Variants in SNRPC observed in about 807,000 individuals in gnomAD.
The protein encoded by SNRPC is small nuclear ribonucleoprotein polypeptide C.
In SNRPC, 5 loss-of-function variants were observed where a neutral mutation model predicts 20.0. The ratio of observed to expected loss-of-function variants is 0.25; its 90% CI spans 0.13 to 0.53. The LOEUF (loss-of-function observed/expected upper bound fraction) is 0.53, where lower values mean the gene tolerates loss of function less well. Ranked by LOEUF, SNRPC falls within the 20% of genes least tolerant of loss-of-function variation. The pLI is 0.96. For missense variants in SNRPC, 112 were observed against 224.1 expected (o/e 0.50, Z 3.19); for synonymous variants, 61 against 58.7 (o/e 1.04, Z -0.18).
At chr6:34,763,838 T>C (rs1158168187) in intron 3 of SNRPC, among the ~76,000 whole-genome samples, 1 of 150,648 alleles carries the variant, frequency 6.6e-6, no homozygotes, top group Non-Finnish European at 1.5e-5. Context: ...TGCCTCAGCC[T>C]CCCGAGTAGC....
At chr6:34,765,659 G>A (rs961179473) in intron 3 of SNRPC, among the ~76,000 whole-genome samples, 3 of 151,896 alleles carry the variant, frequency 2.0e-5, no homozygotes, top group African/African-American at 7.3e-5. Context: ...GGCTGGTCTT[G>A]AACTCGTGAC....
At chr6:34,760,285 T>C (rs1363696224) in intron 2 of SNRPC, among the ~76,000 whole-genome samples, 4 of 151,906 alleles carry the variant, frequency 2.6e-5, no homozygotes, top group South Asian at 2.1e-4. Context: ...GCTAGTTTTC[T>C]TATTTTTAGT....
intron 3 of SNRPC, among the ~76,000 whole-genome samples, chr6:34,765,255 T>C (rs1259307777): frequency 2.6e-5 from 4 of 152,118 alleles, no homozygotes; most frequent in African/African-American, 9.7e-5. Flanking sequence ...CCTCCAGTTG[T>C]GACTACTAAA....
At chr6:34,771,018 G>A (rs1764683780) in intron 5 of SNRPC, among the ~76,000 whole-genome samples, 1 of 152,084 alleles carries the variant, frequency 6.6e-6, no homozygotes, top group South Asian at 2.1e-4. Context: ...TGATACATGA[G>A]CAGGACCTTT....
chr6:34,766,408 A>G (rs553780846), intron 3 of SNRPC, among the ~76,000 whole-genome samples: 2 of 152,232 alleles, frequency 1.3e-5, no homozygotes, highest in South Asian at 4.1e-4. Context: ...TATGTTGCCC[A>G]AGCTAGTCTT....
At chr6:34,765,370 A>G (rs915070755) in intron 3 of SNRPC, among the ~76,000 whole-genome samples, 2 of 152,130 alleles carry the variant, frequency 1.3e-5, no homozygotes, top group Non-Finnish European at 2.9e-5. Context: ...CTGGATTATT[A>G]TGGAGCAAAC....
In SNRPC at chr6:34,767,839, T is replaced by G. The variant is rs556031742; in HGVS notation, c.161-69T>G. 3,697 of 1,465,028 alleles carry G rather than the reference T, an allele frequency of 2.5e-3. 7 individuals carry two copies. The highest frequency in any genetic ancestry group is 2.9e-3 in the Non-Finnish European group (3,178 of 1,103,530). 90.8% of individuals were successfully genotyped at this position (1,465,028 alleles called of 1,614,324 possible). A position where few individuals can be genotyped will look rare whatever the true frequency, so the allele number is the denominator to read the frequency against. On this transcript the variant is annotated intron_variant, in intron 3 of 5. Coordinates refer to ENST00000244520, the MANE Select transcript of SNRPC (RefSeq NM_003093.3). ...ACCGTTGAAGACTTAAAGAAAGTGG[T>G]TATTTTAGTTACTGGATTGTTGAAT... is the stretch of plus-strand genomic sequence containing the variant.
rs777830940 is a variant in SNRPC, at chr6:34,767,897, A to AT, written c.161-11_161-10insT. ...CATCTTTTTTTTTTTTTTTTTCCTCACCCTCCAAAGCGGCTGCATTTCAAC... is the reference window on the plus strand; with the variant it reads ...CATCTTTTTTTTTTTTTTTTTCCTCATCCCTCCAAAGCGGCTGCATTTCAAC... On this transcript the variant is annotated splice_polypyrimidine_tract_variant and intron_variant, in intron 3 of 5. Transcript: ENST00000244520. 1 of 1,396,716 alleles carries AT rather than the reference A, an allele frequency of 7.2e-7. No homozygotes were observed. The highest frequency in any genetic ancestry group is 9.2e-7 in the Non-Finnish European group (1 of 1,087,442). The allele number at this position is 1,396,716 out of a possible 1,614,324, so 86.5% of individuals were successfully genotyped here.
intron 1 of SNRPC, 90 bp downstream of exon 1, chr6:34,757,641 C>T: frequency 6.9e-7 from 1 of 1,443,256 alleles, no homozygotes; most frequent in Non-Finnish European, 9.7e-7. Flanking sequence ...TTTCTGAAAC[C>T]TCGAGGGATG....
At chr6:34,761,138 A>G (rs1239227516) in intron 2 of SNRPC, among the ~76,000 whole-genome samples, 1 of 151,284 alleles carries the variant, frequency 6.6e-6, no homozygotes, top group Non-Finnish European at 1.5e-5. Flanking sequence ...ATTTTTAGTC[A>G]TGTTTTTGTC....
chr6:34,771,008 T>C (rs1764683501), intron 5 of SNRPC, among the ~76,000 whole-genome samples: 1 of 152,222 alleles, frequency 6.6e-6, no homozygotes, highest in African/African-American at 2.4e-5. Context: ...CAAATCTTTC[T>C]GATACATGAG....
At position 34,758,109 on chromosome 6, in the gene SNRPC, T is replaced by G. The variant is rs189071319; in HGVS notation, c.51+155T>G. 3.4e-3 allele frequency among the ~76,000 whole-genome samples: 518 copies of G among 152,288 alleles called. 1 individual carries two copies. The highest frequency in any genetic ancestry group is 0.016 in the South Asian group (77 of 4,832). On this transcript the variant is annotated intron_variant, in intron 2 of 5. Coordinates refer to ENST00000244520, the MANE Select transcript of SNRPC (RefSeq NM_003093.3). ...ATAATTGGAGGTTATTTTCCCACCC[T>G]TCCAGTAACTTTGATTAAAAACTGC...
rs770092925 is a variant in SNRPC at position 34,767,952 on chromosome 6, GCTC to G, written c.214_216del (p.Pro72del). On this transcript the variant is annotated inframe_deletion, in exon 4 of 6. Transcript: ENST00000244520. The stretch of plus-strand genomic sequence containing the variant: ...AAAGATACCTCCTACTCCATTCTCT[GCTC>G]CTCCTCCTGCAGGGGCGATGATACC... 13 of 1,600,304 alleles carry G rather than the reference GCTC, an allele frequency of 8.1e-6. No homozygotes were observed. The highest frequency in any genetic ancestry group is 1.1e-5 in the South Asian group (1 of 90,448).
chr6:34,762,915 T>C (rs557994291), intron 3 of SNRPC, among the ~76,000 whole-genome samples: 1 of 152,274 alleles, frequency 6.6e-6, no homozygotes, highest in African/African-American at 2.4e-5. Context: ...GAGACAGCAA[T>C]AAGGTTAGAT....
intron 2 of SNRPC, among the ~76,000 whole-genome samples, chr6:34,761,513 A>ATTT (rs869059984): frequency 7.7e-3 from 662 of 85,592 alleles, no homozygotes; most frequent in Non-Finnish European, 0.011. Flanking sequence ...ACAAGGAACA[A>ATTT]TTTTTTTTTT....
In SNRPC at chr6:34,766,572, G is replaced by T. The variant is rs767959671; in HGVS notation, c.161-1336G>T. Among the ~76,000 whole-genome samples the T allele has an allele frequency of 8.5e-5, 13 of 152,220 alleles. No homozygotes were observed. The South Asian group carries it at 1.2e-3, about 15-fold the overall frequency. On this transcript the variant is annotated intron_variant, in intron 3 of 5. Coordinates refer to ENST00000244520, the MANE Select transcript of SNRPC (RefSeq NM_003093.3). ...TTTAGTGGAGGACTTTTTGAGAATG[G>T]GGGGGAGCCCCTCAGGGACACACCT...
chr6:34,768,268 A>G (rs1764640657), intron 4 of SNRPC, among the ~76,000 whole-genome samples: 1 of 151,964 alleles, frequency 6.6e-6, no homozygotes. Flanking sequence ...GATCTAAGAC[A>G]GATTTAAATG....
At position 34,768,012 on chromosome 6, in the gene SNRPC, T is replaced by A; in HGVS notation, c.250+15T>A. The A allele has an allele frequency of 6.2e-7, 1 of 1,606,406 alleles. No individual in the cohort carries two copies. Among genetic ancestry groups the A allele is most frequent in the Non-Finnish European group, 8.5e-7 (1 of 1,177,464 alleles). The stretch of plus-strand genomic sequence containing the variant: ...CCCCAGCCTTCGTAAGTTTAAACTT[T>A]TAATCTTAAGGGGTGTGACGGGGCA... On this transcript the variant is annotated intron_variant, in intron 4 of 5. Coordinates refer to ENST00000244520, the MANE Select transcript of SNRPC (RefSeq NM_003093.3).
intron 4 of SNRPC, among the ~76,000 whole-genome samples, chr6:34,769,070 C>T (rs1411285660): frequency 6.6e-6 from 1 of 152,112 alleles, no homozygotes; most frequent in Non-Finnish European, 1.5e-5. Context: ...GGGCACCTGC[C>T]ATCCTAGGAC....
Sources: allele counts gnomAD v4.1 joint callset (sites outside exome capture counted in the v4.1 genomes callset), GRCh38; gene constraint gnomAD v4.1.1; transcripts MANE v1.5; gene names NCBI Gene and HGNC (gene_info 2026-07-23, HGNC 2026-07-21).